Variants in KCNMA1 observed in about 807,000 individuals in gnomAD.
KCNMA1 encodes Calcium-activated potassium channel subunit alpha-1.
KCNMA1 carries 29 observed loss-of-function variants against 140.0 expected under a neutral mutation model. The ratio of observed to expected loss-of-function variants is 0.21; its 90% CI spans 0.15 to 0.28. KCNMA1 has a LOEUF of 0.28. Ranked by LOEUF, KCNMA1 falls within the 10% of genes least tolerant of loss-of-function variation. The probability of loss-of-function intolerance (pLI) is 1.00; values close to 1 mark genes in which losing one functional copy is unlikely to be tolerated. For synonymous variants in KCNMA1, 612 were observed against 611.9 expected (o/e 1.00, Z 0.00); for missense variants, 880 against 1,602.2 (o/e 0.55, Z 7.70).
intron 1 of KCNMA1, among the ~76,000 whole-genome samples, chr10:77,527,757 G>A (rs2056318790): frequency 6.6e-6 from 1 of 152,210 alleles, no homozygotes; most frequent in Non-Finnish European, 1.5e-5. Context: ...GCACAAGGAA[G>A]GAGTGCAGAG....
rs541543908 is a variant in KCNMA1, at chr10:77,018,953, C to T, written c.2015+60G>A. The T allele has an allele frequency of 9.4e-5, 87 of 925,292 alleles. No individual in the cohort carries two copies. In the Middle Eastern group the frequency reaches 2.3e-3, roughly 25 times the overall value. 57.3% of individuals were successfully genotyped at this position (925,292 alleles called of 1,614,324 possible). A position where few individuals can be genotyped will look rare whatever the true frequency, so the allele number is the denominator to read the frequency against. On this transcript the variant is annotated intron_variant, in intron 17 of 27. Coordinates refer to ENST00000286628, the MANE Select transcript of KCNMA1 (RefSeq NM_001161352.2). ...GGGGTTATGGAAGCCTGCCTACTTC[C>T]GTGGGTCAAGGTGTCTACAGCCGGG...
At chr10:76,956,191 T>C (rs1166954337) in intron 20 of KCNMA1, among the ~76,000 whole-genome samples, 1 of 152,148 alleles carries the variant, frequency 6.6e-6, no homozygotes, top group East Asian at 1.9e-4. Flanking sequence ...CCTACAACTT[T>C]CATCCAGAAA....
intron 12 of KCNMA1, among the ~76,000 whole-genome samples, chr10:77,082,206 T>G (rs1383461707): frequency 6.6e-6 from 1 of 151,738 alleles, no homozygotes; most frequent in African/African-American, 2.4e-5. Context: ...GTTTTGTATT[T>G]TTAGTAGATA....
At chr10:77,539,643 C>A (rs950737115) in intron 1 of KCNMA1, among the ~76,000 whole-genome samples, 1 of 152,176 alleles carries the variant, frequency 6.6e-6, no homozygotes, top group African/African-American at 2.4e-5. Context: ...TGAGGAGCCA[C>A]GGGTGAATTC....
At position 77,149,939 on chromosome 10, in the gene KCNMA1, G is replaced by A. The variant is rs191842082; in HGVS notation, c.809-28891C>T. ...AGCATATGACTTCACTGATGAAGAT[G>A]GATCACACTTGAGCAGGGATTCTTG... On this transcript the variant is annotated intron_variant, in intron 5 of 27. Coordinates refer to ENST00000286628, the MANE Select transcript of KCNMA1 (RefSeq NM_001161352.2). The A allele has an allele frequency of 1.8e-4, 27 of 152,272 alleles. No homozygotes were observed. The East Asian group carries it at 4.8e-3, about 27-fold the overall frequency. 9.4% of individuals were successfully genotyped at this position (152,272 alleles called of 1,614,324 possible). A position where few individuals can be genotyped will look rare whatever the true frequency, so the allele number is the denominator to read the frequency against.
intron 14 of KCNMA1, among the ~76,000 whole-genome samples, chr10:77,052,722 A>T (rs1051938137): frequency 2.6e-5 from 4 of 152,112 alleles, no homozygotes; most frequent in African/African-American, 9.7e-5. Flanking sequence ...TGATAGAGAG[A>T]GGAATGATCC....
At chr10:76,920,681 C>T (rs1040148314) in intron 23 of KCNMA1, among the ~76,000 whole-genome samples, 16 of 152,160 alleles carry the variant, frequency 1.1e-4, no homozygotes, top group African/African-American at 3.9e-4. Context: ...CTCAAGCATA[C>T]CCAATTGGTA....
At chr10:77,563,820 G>A (rs772291261) in intron 1 of KCNMA1, among the ~76,000 whole-genome samples, 31 of 152,136 alleles carry the variant, frequency 2.0e-4, no homozygotes, top group Non-Finnish European at 3.8e-4. Context: ...CTGTGGGGCC[G>A]CGTAGCACAC....
intron 2 of KCNMA1, among the ~76,000 whole-genome samples, chr10:77,379,719 A>C (rs909595053): frequency 1.3e-5 from 2 of 152,134 alleles, no homozygotes; most frequent in Non-Finnish European, 2.9e-5. Flanking sequence ...AGGGTGTGTT[A>C]CTCTTAGTAA....
chr10:76,998,315 G>A (rs892747766), intron 19 of KCNMA1, among the ~76,000 whole-genome samples: 4 of 151,986 alleles, frequency 2.6e-5, no homozygotes, highest in African/African-American at 9.7e-5. Flanking sequence ...CCTTGAAAAC[G>A]GAAATTTTTC....
rs569968711 is a variant in KCNMA1 at position 76,949,117 on chromosome 10, A to G, written c.2709+25T>C. 1.4e-5 allele frequency: 21 copies of G among 1,511,776 alleles called. No individual in the cohort carries two copies. The South Asian group carries it at 2.4e-4, about 17-fold the overall frequency. 93.6% of individuals were successfully genotyped at this position (1,511,776 alleles called of 1,614,324 possible). A position where few individuals can be genotyped will look rare whatever the true frequency, so the allele number is the denominator to read the frequency against. ...TTTGTGAATGAAAAGAAGAAAAGGC[A>G]TCAATAATGTGACCTTGGACTTACA... On this transcript the variant is annotated intron_variant, in intron 22 of 27. Transcript: ENST00000286628.
intron 2 of KCNMA1, among the ~76,000 whole-genome samples, chr10:77,296,489 A>C (rs1490534728): frequency 6.6e-6 from 1 of 152,192 alleles, no homozygotes; most frequent in East Asian, 1.9e-4. Flanking sequence ...ACAGGGAACT[A>C]ATATGGAGGT....
At chr10:77,101,972 G>A (rs2097107875) in intron 9 of KCNMA1, among the ~76,000 whole-genome samples, 1 of 152,214 alleles carries the variant, frequency 6.6e-6, no homozygotes, top group South Asian at 2.1e-4. Context: ...TCAGAACCAA[G>A]AGAAGAGGTT....
intron 1 of KCNMA1, among the ~76,000 whole-genome samples, chr10:77,615,293 C>T (rs747315640): frequency 5.9e-5 from 9 of 152,222 alleles, no homozygotes; most frequent in Non-Finnish European, 1.2e-4. Flanking sequence ...GATGGGTCCA[C>T]CAGGTCCGTC....
chr10:77,248,930 C>G (rs1018356001), intron 3 of KCNMA1, among the ~76,000 whole-genome samples: 5 of 152,136 alleles, frequency 3.3e-5, no homozygotes, highest in African/African-American at 1.2e-4. Context: ...TGCCACCGGA[C>G]AGAATCTTCG....
At chr10:77,025,496 T>G in intron 16 of KCNMA1, 1 of 1,553,700 alleles carries the variant, frequency 6.4e-7, no homozygotes, top group Non-Finnish European at 8.8e-7. Flanking sequence ...ATCAAACAAT[T>G]TGATAATAAA....
rs201319795 is a variant in KCNMA1, at chr10:76,885,021, T to C, written c.*2245A>G. On this transcript the variant is annotated 3_prime_UTR_variant, in exon 28 of 28. Transcript: ENST00000286628. ...CATTCTATTCATCCTTGTTGCACTT[T>C]AGAGAGAGAAGTAAGCTATGTGAGT... The C allele has an allele frequency of 6.5e-6, 10 of 1,548,196 alleles. No homozygotes were observed. The highest frequency in any genetic ancestry group is 8.7e-6 in the Non-Finnish European group (10 of 1,145,918).
At chr10:76,907,489 C>T (rs1331497761) in intron 25 of KCNMA1, among the ~76,000 whole-genome samples, 9 of 152,166 alleles carry the variant, frequency 5.9e-5, no homozygotes, top group Admixed American at 5.9e-4. Context: ...GGTGTTCAGC[C>T]TATGTGGTTG....
At chr10:77,028,355 T>G (rs941880659) in intron 15 of KCNMA1, among the ~76,000 whole-genome samples, 1 of 152,132 alleles carries the variant, frequency 6.6e-6, no homozygotes, top group Non-Finnish European at 1.5e-5. Flanking sequence ...TAATAATACT[T>G]GGCCTCTGTG....
Sources: gnomAD v4.1 joint callset for allele counts (sites outside exome capture counted in the v4.1 genomes callset) on GRCh38, gnomAD v4.1.1 for gene constraint, MANE v1.5 for transcripts, NCBI Gene and HGNC (gene_info 2026-07-23, HGNC 2026-07-21) for gene names.